The following PPL variants were observed in gnomAD, a reference collection of about 807,000 sequenced individuals.
PPL encodes the protein 190 kDa paraneoplastic pemphigus antigen.
In PPL, 198 loss-of-function variants were observed where a neutral mutation model predicts 194.4. The ratio of observed to expected loss-of-function variants is 1.02; its 90% CI spans 0.91 to 1.15. PPL has a LOEUF of 1.15. Among genes scored for constraint, PPL ranks in the 50% most tolerant of loss-of-function variants. The pLI, the probability that PPL is intolerant of heterozygous loss-of-function variation, is 0.00. For missense variants in PPL, 2,885 were observed against 2,294.8 expected, an observed-to-expected ratio of 1.26 and a Z score of -5.25; for synonymous variants, 1,220 against 972.4, an observed-to-expected ratio of 1.25 and a Z score of -4.74.
chr16:4,903,644 G>T (rs1389777607), intron 3 of PPL, among the ~76,000 whole-genome samples: 2 of 151,902 alleles, frequency 1.3e-5, no homozygotes, highest in Non-Finnish European at 2.9e-5. Context: ...AGCTTGAACT[G>T]GGGAGGCAGA....
chr16:4,885,678 C>T lies in PPL; in HGVS notation c.2977G>A (p.Val993Met), dbSNP rs1025735742. 1.4e-5 allele frequency: 23 copies of T among 1,613,472 alleles called. No individual in the cohort carries two copies. The highest frequency in any genetic ancestry group is 1.1e-4 in the African/African-American group (8 of 74,872). Reference sequence around the variant, plus strand: ...TCGATGCGCAGGACCTCCTTGACCACGTACTCCTGCCCCCCGTCTCTGGTC... The same window carrying T: ...TCGATGCGCAGGACCTCCTTGACCATGTACTCCTGCCCCCCGTCTCTGGTC... ...QETRDGGQEYVVKEVLRIEPD... is the reference protein window; with the variant it reads ...QETRDGGQEYMVKEVLRIEPD... The change falls in exon 22 of 22, where the codon GTG becomes ATG. Residue 993 changes from valine (V) to methionine (M), a missense_variant. By Grantham distance (21) the Val-to-Met change is conservative (BLOSUM62 1). Transcript: ENST00000345988. The surrounding 1 kb of genome is among the most constrained non-coding windows in gnomAD (Gnocchi z 6.3).
intron 8 of PPL, among the ~76,000 whole-genome samples, chr16:4,898,722 T>C (rs2088482410): frequency 6.6e-6 from 1 of 152,190 alleles, no homozygotes; most frequent in Non-Finnish European, 1.5e-5. Context: ...AGAGAATGAA[T>C]TTCTGTTGTT....
In PPL at chr16:4,884,851, C is replaced by G; in HGVS notation, c.3804G>C (p.Glu1268Asp). Residue 1268 changes from glutamate to aspartate, a missense_variant, in exon 22 of 22, where the codon GAG (glutamate) becomes GAC (aspartate). Glu to Asp is a conservative substitution (Grantham distance 45). Transcript: ENST00000345988. The surrounding 1 kb of genome is among the most constrained non-coding windows in gnomAD (Gnocchi z 5.7). ...KTRLIERCDL[E>D]IYQLKKEIQA... ...GGATTTCCTTTTTCAGCTGGTAGAT[C>G]TCTAAATCACACCTTTCGATCAGTC... The G allele has an allele frequency of 6.2e-7, 1 of 1,614,154 alleles. No individual in the cohort carries two copies. Among genetic ancestry groups the G allele is most frequent in the Non-Finnish European group, 8.5e-7 (1 of 1,180,020 alleles).
In PPL at chr16:4,883,229, T is replaced by C. The variant is rs769999051; in HGVS notation, c.*155A>G. The C allele has an allele frequency of 9.0e-5, 87 of 971,422 alleles. No homozygotes were observed. Among genetic ancestry groups the C allele is most frequent in the Non-Finnish European group, 1.3e-4 (82 of 653,226 alleles). The allele number at this position is 971,422 out of a possible 1,614,324, so 60.2% of individuals were successfully genotyped here. ...TGCCTGTCTTCAGCCAGTGCCTGTC[T>C]CATATGTGGGCGGGACTCTGAGCAG... On this transcript the variant is annotated 3_prime_UTR_variant, in exon 22 of 22. Coordinates refer to ENST00000345988, the MANE Select transcript of PPL (RefSeq NM_002705.5). This position sits in a 1 kb window ranked among gnomAD's most constrained non-coding sequence, Gnocchi z 4.8.
intron 3 of PPL, among the ~76,000 whole-genome samples, 192 bp downstream of exon 3, chr16:4,903,694 T>G (rs2088622527): frequency 6.7e-6 from 1 of 150,148 alleles, no homozygotes; most frequent in Non-Finnish European, 1.5e-5. Flanking sequence ...CACTCCAGCC[T>G]GGGCAACAAG....
At chr16:4,896,686 C>G (rs989838475) in intron 9 of PPL, among the ~76,000 whole-genome samples, 2 of 147,100 alleles carry the variant, frequency 1.4e-5, no homozygotes, top group African/African-American at 2.6e-5. Flanking sequence ...GTCGCCCAGG[C>G]TGGAGTGCAA....
At chr16:4,911,903 C>T (rs1400380794) in intron 1 of PPL, among the ~76,000 whole-genome samples, 2 of 152,010 alleles carry the variant, frequency 1.3e-5, no homozygotes, top group Non-Finnish European at 2.9e-5. Context: ...GTGGCGTGAT[C>T]ATAGTTCACT....
At chr16:4,887,091 T>G (rs1484270084) in intron 21 of PPL, 44 bp downstream of exon 21, 1 of 1,447,098 alleles carries the variant, frequency 6.9e-7, no homozygotes, top group Admixed American at 1.7e-5. Flanking sequence ...ATTTGTCACC[T>G]GTTAGAACAG....
rs1418881677 is a variant in PPL at position 4,900,705 on chromosome 16, T to A, written c.606+125A>T. 1.3e-5 allele frequency: 18 copies of A among 1,339,526 alleles called. No homozygotes were observed. The East Asian group carries it at 3.9e-4, about 29-fold the overall frequency. The allele number at this position is 1,339,526 out of a possible 1,614,324, so 83.0% of individuals were successfully genotyped here. A position where few individuals can be genotyped will look rare whatever the true frequency, so the allele number is the denominator to read the frequency against. On this transcript the variant is annotated intron_variant, in intron 6 of 21. Transcript: ENST00000345988. ...CTCCTGCCTCTGCCTCCCAAAGTGCTAGGCGTGAGCCACCATGCCCAGCTG... is the reference window on the plus strand; with the variant it reads ...CTCCTGCCTCTGCCTCCCAAAGTGCAAGGCGTGAGCCACCATGCCCAGCTG...
In PPL at chr16:4,936,955, C is replaced by A. The variant is rs369107431; in HGVS notation, c.62+29G>T. The A allele has an allele frequency of 2.2e-4, 340 of 1,579,438 alleles. No individual in the cohort carries two copies. In the African/African-American group the frequency reaches 3.8e-3, roughly 18 times the overall value. ...GTGCGCCCACAGGGGCAAGAGCGTC[C>A]CGGAGCGGAGCTGTGGGCGCCTCCT... On this transcript the variant is annotated intron_variant, in intron 1 of 21. Transcript: ENST00000345988.
chr16:4,890,467 G>C, intron 17 of PPL, 133 bp from the exon 18 acceptor site: 4 of 1,242,280 alleles, frequency 3.2e-6, no homozygotes, highest in Non-Finnish European at 1.1e-6. Context: ...ACACAGGGTG[G>C]GTGGTCATTA....
chr16:4,903,191 G>A (rs1390515279), intron 3 of PPL, among the ~76,000 whole-genome samples: 2 of 152,082 alleles, frequency 1.3e-5, no homozygotes, highest in East Asian at 1.9e-4. Context: ...TGCCCTTGCC[G>A]GGGTGGAGAT....
chr16:4,908,268 G>A (rs2088742787), intron 2 of PPL, among the ~76,000 whole-genome samples: 1 of 152,098 alleles, frequency 6.6e-6, no homozygotes, highest in Non-Finnish European at 1.5e-5. Flanking sequence ...TGAGGCAGGA[G>A]GATGGCTTGA....
chr16:4,897,331 TCAAAAAA>T (rs2088450462), intron 9 of PPL, among the ~76,000 whole-genome samples: 1 of 44,002 alleles, frequency 2.3e-5, no homozygotes, highest in African/African-American at 1.5e-4. Context: ...CAAGACTCTC[TCAAAAAA>T]AAAAAAAAAA....
chr16:4,908,879 C>T (rs960785111), intron 2 of PPL, among the ~76,000 whole-genome samples: 2 of 152,166 alleles, frequency 1.3e-5, no homozygotes, highest in Admixed American at 6.5e-5. Flanking sequence ...GTTTATCCAT[C>T]GTGAAATGTG....
rs777964383 is a variant in PPL at position 4,884,636 on chromosome 16, T to A, written c.4019A>T (p.Glu1340Val). The change falls in exon 22 of 22, where the codon GAG becomes GTG. Residue 1340 changes from glutamate (E) to valine (V), a missense_variant. Physicochemically the swap from Glu to Val is moderately radical, Grantham distance 121 (BLOSUM62 -2). Transcript: ENST00000345988. The surrounding 1 kb of genome is among the most constrained non-coding windows in gnomAD (Gnocchi z 5.7). Reference sequence around the variant, plus strand: ...TTCCTTCACCCGCGAGAGCTCCTCCTCTTTCCGGGCGATCTGCTCTTCCTG... The same window carrying A: ...TTCCTTCACCCGCGAGAGCTCCTCCACTTTCCGGGCGATCTGCTCTTCCTG... Reference protein sequence around the residue: ...ASQEEQIARKEEELSRVKERV... With the variant: ...ASQEEQIARKVEELSRVKERV... The A allele has an allele frequency of 6.2e-7, 1 of 1,614,096 alleles. No individual in the cohort carries two copies. The highest frequency in any genetic ancestry group is 8.5e-7 in the Non-Finnish European group (1 of 1,180,012).
chr16:4,901,336 G>C (rs900454268), intron 4 of PPL, among the ~76,000 whole-genome samples: 1 of 152,188 alleles, frequency 6.6e-6, no homozygotes, highest in Non-Finnish European at 1.5e-5. Flanking sequence ...TCTCAGATGA[G>C]GACACAGAGG....
chr16:4,919,428 T>A (rs1274811018), intron 1 of PPL, among the ~76,000 whole-genome samples: 1 of 152,192 alleles, frequency 6.6e-6, no homozygotes, highest in Non-Finnish European at 1.5e-5. Flanking sequence ...CTTTTTATAT[T>A]TTCTTCAAAT....
chr16:4,911,237 C>T (rs907301057), intron 1 of PPL, among the ~76,000 whole-genome samples: 1 of 135,112 alleles, frequency 7.4e-6, no homozygotes. Context: ...TCTCAGCTTA[C>T]TGCAACCTCC....
Sources: gnomAD v4.1 joint callset for allele counts (sites outside exome capture counted in the v4.1 genomes callset) on GRCh38, gnomAD v4.1.1 for gene constraint, Gnocchi (gnomAD v3.1) non-coding constraint, MANE v1.5 for transcripts, NCBI Gene and HGNC (gene_info 2026-07-23, HGNC 2026-07-21) for gene names.